NDC1: variants seen among roughly 807,000 people sequenced by gnomAD.
NDC1 encodes the protein NDC1 transmembrane nucleoporin, also known as nucleoporin NDC1.
Under a neutral mutation model 89.8 loss-of-function variants are expected in NDC1, and 24 were observed. That is an observed-to-expected ratio of 0.27 (90% CI 0.19 to 0.38). The LOEUF (loss-of-function observed/expected upper bound fraction) is 0.38. Ranked by LOEUF, NDC1 falls within the 10% of genes least tolerant of loss-of-function variation. NDC1 has a pLI of 1.00. For missense variants in NDC1, 728 were observed against 797.6 expected (o/e 0.91, Z 1.05); for synonymous variants, 296 against 284.8 (o/e 1.04, Z -0.39).
At chr1:53,798,229 C>T (rs552837954) in intron 11 of NDC1, among the ~76,000 whole-genome samples, 8 of 148,058 alleles carry the variant, frequency 5.4e-5, no homozygotes, top group East Asian at 2.0e-4. Flanking sequence ...AGTGCTATGG[C>T]GCAATCTTGG....
At chr1:53,795,523 C>A (rs1371504073) in intron 13 of NDC1, among the ~76,000 whole-genome samples, 1 of 152,112 alleles carries the variant, frequency 6.6e-6, no homozygotes, top group Admixed American at 6.5e-5. Context: ...CAGTAAATTC[C>A]AACTCAATAA....
chr1:53,824,079 A>G (rs577642883), intron 5 of NDC1, among the ~76,000 whole-genome samples: 8 of 152,096 alleles, frequency 5.3e-5, no homozygotes, highest in African/African-American at 1.9e-4. Context: ...TACAAAAAAT[A>G]CAAAAGTAGC....
rs749991839 is a variant in NDC1, at chr1:53,828,151, G to A, written c.303C>T (p.Ser101=). 3 of 1,613,958 alleles carry A rather than the reference G, an allele frequency of 1.9e-6. No homozygotes were observed. Among genetic ancestry groups the A allele is most frequent in the Non-Finnish European group, 2.5e-6 (3 of 1,179,922 alleles). ...TGATCTTCCCTATCAGAGCTAGTCT[G>A]GAGCAAGGAATAGAAGGCACAACTG... is the stretch of plus-strand genomic sequence containing the variant. The part of the protein sequence containing the change: ...FYAVVPSIPC[S]RLALIGKIIH... The change falls in exon 4 of 18, where the codon TCC becomes TCT. Residue 101 remains serine (S), a synonymous_variant. Transcript: ENST00000371429.
intron 5 of NDC1, among the ~76,000 whole-genome samples, chr1:53,819,624 T>C (rs1648594826): frequency 1.3e-5 from 2 of 152,234 alleles, no homozygotes; most frequent in South Asian, 2.1e-4. Flanking sequence ...ATCTTAAAGA[T>C]AATGCATACT....
chr1:53,790,913 T>G (rs1302247107), intron 14 of NDC1, among the ~76,000 whole-genome samples: 1 of 152,184 alleles, frequency 6.6e-6, no homozygotes, highest in Non-Finnish European at 1.5e-5. Flanking sequence ...ATTTTGGGTA[T>G]CCTATCACCT....
intron 16 of NDC1, among the ~76,000 whole-genome samples, chr1:53,781,113 C>T (rs1323828058): frequency 6.6e-6 from 1 of 152,042 alleles, no homozygotes; most frequent in Non-Finnish European, 1.5e-5. Context: ...GCCTCAGCCT[C>T]TCAAAACTCT....
intron 10 of NDC1, among the ~76,000 whole-genome samples, chr1:53,803,479 T>C (rs1647991349): frequency 6.6e-6 from 1 of 152,242 alleles, no homozygotes; most frequent in African/African-American, 2.4e-5. Flanking sequence ...TCTTAAGCTG[T>C]GTAAGATTTA....
chr1:53,773,505 C>T (rs1453470010), intron 16 of NDC1, among the ~76,000 whole-genome samples: 2 of 152,134 alleles, frequency 1.3e-5, no homozygotes, highest in Non-Finnish European at 2.9e-5. Context: ...CCAACTTCTG[C>T]ATGAGAGACT....
At chr1:53,772,753 A>T (rs1431990201) in intron 16 of NDC1, among the ~76,000 whole-genome samples, 2 of 152,104 alleles carry the variant, frequency 1.3e-5, no homozygotes, top group African/African-American at 2.4e-5. Flanking sequence ...AACATAAAAT[A>T]AAATAAAATA....
intron 17 of NDC1, among the ~76,000 whole-genome samples, chr1:53,769,869 T>C (rs1417251256): frequency 6.6e-6 from 1 of 152,222 alleles, no homozygotes; most frequent in Admixed American, 6.5e-5. Flanking sequence ...GTTAGGAGTA[T>C]AGACACTAGA....
intron 16 of NDC1, among the ~76,000 whole-genome samples, chr1:53,780,062 C>CT (rs1292400856): frequency 1.3e-5 from 2 of 151,944 alleles, no homozygotes; most frequent in South Asian, 2.1e-4. Flanking sequence ...TCCTGCATTT[C>CT]TTTTTTTTCT....
intron 1 of NDC1, among the ~76,000 whole-genome samples, chr1:53,837,758 A>G (rs1257433130): frequency 6.6e-6 from 1 of 152,202 alleles, no homozygotes; most frequent in Non-Finnish European, 1.5e-5. Context: ...TATTCCACTC[A>G]GCTCAGTCCC....
Position 53,795,525 on chromosome 1 carries a change from A to G in NDC1, c.1584+1164T>C, listed in dbSNP as rs139255285. ...TCTCCAGAATCATCAGTAAATTCCA[A>G]CTCAATAAATTGCAACTATATTATT... On this transcript the variant is annotated intron_variant, in intron 13 of 17. Coordinates refer to ENST00000371429, the MANE Select transcript of NDC1 (RefSeq NM_018087.5). Among the ~76,000 whole-genome samples the G allele has an allele frequency of 9.2e-4, 140 of 152,266 alleles. 1 individual carries two copies. The highest frequency in any genetic ancestry group is 2.6e-3 in the African/African-American group (108 of 41,558).
intron 17 of NDC1, among the ~76,000 whole-genome samples, chr1:53,771,755 A>G (rs1647114979): frequency 6.6e-6 from 1 of 152,246 alleles, no homozygotes; most frequent in African/African-American, 2.4e-5. Context: ...TTACTAAGCT[A>G]GTATCCCTCA....
At position 53,838,155 on chromosome 1, in the gene NDC1, C is replaced by T. The variant is rs375202450; in HGVS notation, c.57+50G>A. ...GCGCGCACGCGCGATCAGAGCTTGCCCGCCCGGCCCGACCCTGGCAGTGCG... is the reference window on the plus strand; with the variant it reads ...GCGCGCACGCGCGATCAGAGCTTGCTCGCCCGGCCCGACCCTGGCAGTGCG... On this transcript the variant is annotated intron_variant, in intron 1 of 17. Coordinates refer to ENST00000371429, the MANE Select transcript of NDC1 (RefSeq NM_018087.5). 2.7e-5 allele frequency: 41 copies of T among 1,514,096 alleles called. No homozygotes were observed. In the East Asian group the frequency reaches 6.9e-4, roughly 25 times the overall value. The allele number at this position is 1,514,096 out of a possible 1,614,324, so 93.8% of individuals were successfully genotyped here.
chr1:53,816,235 T>G (rs1648470237), intron 6 of NDC1, among the ~76,000 whole-genome samples: 2 of 152,180 alleles, frequency 1.3e-5, no homozygotes, highest in African/African-American at 4.8e-5. Context: ...AGAGCGGTAC[T>G]GGTGTGAAAA....
chr1:53,798,332 G>C (rs1647794517), intron 11 of NDC1, among the ~76,000 whole-genome samples: 1 of 150,790 alleles, frequency 6.6e-6, no homozygotes, highest in African/African-American at 2.4e-5. Flanking sequence ...ACCACATCCA[G>C]CTAATTTTTG....
intron 6 of NDC1, among the ~76,000 whole-genome samples, chr1:53,810,708 T>C (rs1051466463): frequency 2.5e-4 from 38 of 152,154 alleles, no homozygotes; most frequent in African/African-American, 9.2e-4. Flanking sequence ...AGTTCAAGAC[T>C]AGCCTGGGCA....
intron 17 of NDC1, among the ~76,000 whole-genome samples, chr1:53,768,379 C>G (rs993005209): frequency 6.6e-6 from 1 of 152,186 alleles, no homozygotes; most frequent in Non-Finnish European, 1.5e-5. Context: ...CAGATTCCAA[C>G]ATTATCTTTG....
Sources: allele counts gnomAD v4.1 joint callset (sites outside exome capture counted in the v4.1 genomes callset), GRCh38; gene constraint gnomAD v4.1.1; transcripts MANE v1.5; gene names NCBI Gene and HGNC (gene_info 2026-07-23, HGNC 2026-07-21).